The following EP300 variants were observed in gnomAD, a reference collection of about 807,000 sequenced individuals.
The protein encoded by EP300 is histone acetyltransferase p300.
In EP300, 31 loss-of-function variants were observed where a neutral mutation model predicts 264.0. The observed-to-expected ratio is 0.12, with a 90% CI of 0.09 to 0.16. The LOEUF is 0.16. Among genes scored for constraint, EP300 ranks in the 10% least tolerant of loss-of-function variants. The pLI is 1.00. For synonymous variants in EP300, 1,340 were observed against 1,045.4 expected (o/e 1.28, Z -5.44); for missense variants, 2,766 against 3,052.9 (o/e 0.91, Z 2.21).
At chr22:41,119,365 A>G (rs893202943) in intron 2 of EP300, among the ~76,000 whole-genome samples, 27 of 151,624 alleles carry the variant, frequency 1.8e-4, no homozygotes, top group African/African-American at 6.3e-4. Context: ...TTTACTTAGA[A>G]TATTTGGAGT....
At chr22:41,147,229 C>A (rs2059016266) in intron 11 of EP300, among the ~76,000 whole-genome samples, 1 of 151,484 alleles carries the variant, frequency 6.6e-6, no homozygotes, top group African/African-American at 2.4e-5. Context: ...TCACTTGAAC[C>A]CAGGAGGCGG....
At chr22:41,167,010 T>C (rs972312091) in intron 23 of EP300, among the ~76,000 whole-genome samples, 1 of 152,222 alleles carries the variant, frequency 6.6e-6, no homozygotes, top group Admixed American at 6.5e-5. Flanking sequence ...TTTTTTATTT[T>C]ATTTTTTGAG....
intron 28 of EP300, among the ~76,000 whole-genome samples, 187 bp downstream of exon 28, chr22:41,172,850 C>G (rs2059178647): frequency 6.6e-6 from 1 of 152,238 alleles, no homozygotes; most frequent in South Asian, 2.1e-4. Context: ...TTTAAAGCAT[C>G]AGAGCCCCTT....
rs144914344 is a variant in EP300, at chr22:41,125,956, T to A, written c.822T>A (p.Ile274=). The A allele has an allele frequency of 1.2e-6, 2 of 1,614,204 alleles. No homozygotes were observed. Among genetic ancestry groups the A allele is most frequent in the Admixed American group, 1.7e-5 (1 of 60,024 alleles). ...QIGASGLGLQ[I]QTKTVLSNNL... is the part of the protein sequence containing the mutation. ...GAGCCAGTGGCCTTGGTCTCCAGATTCAGACAAAAACTGTACTATCAAATA... is the reference window on the plus strand; with the variant it reads ...GAGCCAGTGGCCTTGGTCTCCAGATACAGACAAAAACTGTACTATCAAATA... Residue 274 remains isoleucine (I), a synonymous_variant, in exon 3 of 31, where the codon ATT becomes ATA. Transcript: ENST00000263253.
At chr22:41,153,058 A>G (rs1300317276) in intron 16 of EP300, among the ~76,000 whole-genome samples, 1 of 152,084 alleles carries the variant, frequency 6.6e-6, no homozygotes, top group Non-Finnish European at 1.5e-5. Flanking sequence ...ACCCGGCCTC[A>G]TTTAATAATT....
rs2145697757 is a variant in EP300 at position 41,117,800 on chromosome 22, G to C, written c.708G>C (p.Leu236Phe). Residue 236 changes from leucine to phenylalanine, a missense_variant, in exon 2 of 31, where the codon TTG becomes TTC. By Grantham distance (22) the Leu-to-Phe change is conservative (BLOSUM62 0). Coordinates refer to ENST00000263253, the MANE Select transcript of EP300 (RefSeq NM_001429.4). Reference protein sequence around the residue: ...GSPQMGGQTGLRGPQPLKMGM... With the variant: ...GSPQMGGQTGFRGPQPLKMGM... ...CCCAGATGGGAGGACAAACAGGATT[G>C]AGAGGCCCCCAGCCTCTTAAGGTAA... 6.2e-7 allele frequency: 1 copy of C among 1,614,144 alleles called. No homozygotes were observed. Among genetic ancestry groups the C allele is most frequent in the Non-Finnish European group, 8.5e-7 (1 of 1,180,036 alleles).
At chr22:41,156,937 G>T (rs1023952353) in intron 17 of EP300, among the ~76,000 whole-genome samples, 6 of 152,176 alleles carry the variant, frequency 3.9e-5, no homozygotes, top group Non-Finnish European at 8.8e-5. Flanking sequence ...TAGAATATCA[G>T]CCTGATGTCT....
chr22:41,117,885 AGGGTTTG>A (rs2058830620), intron 2 of EP300, 64 bp downstream of exon 2: 2 of 1,609,158 alleles, frequency 1.2e-6, no homozygotes, highest in African/African-American at 2.7e-5. Context: ...TGATGGATGG[AGGGTTTG>A]CCTTACATTG....
chr22:41,095,692 GA>G (rs1331391491), intron 1 of EP300, among the ~76,000 whole-genome samples: 1 of 151,986 alleles, frequency 6.6e-6, no homozygotes, highest in Non-Finnish European at 1.5e-5. Flanking sequence ...AAATGTGAAA[GA>G]AAATTATTTC....
rs557613045 is a variant in EP300, at chr22:41,152,534, T to C, written c.3142+184T>C. On this transcript the variant is annotated intron_variant, in intron 16 of 30. Coordinates refer to ENST00000263253, the MANE Select transcript of EP300 (RefSeq NM_001429.4). ...TTCTTTCTTTTTTTTTTTTTTAATA[T>C]TCACTTGCAGCAACCAATGAGTTAA... 1.5e-3 allele frequency among the ~76,000 whole-genome samples: 232 copies of C among 152,022 alleles called. 1 individual carries two copies. The highest frequency in any genetic ancestry group is 5.3e-3 in the African/African-American group (219 of 41,508).
At position 41,178,785 on chromosome 22, in the gene EP300, C is replaced by T. The variant is rs755615658; in HGVS notation, c.7074C>T (p.Pro2358=). 6 of 1,614,162 alleles carry T rather than the reference C, an allele frequency of 3.7e-6. No individual in the cohort carries two copies. The highest frequency in any genetic ancestry group is 3.3e-5 in the Admixed American group (2 of 60,018). The change falls in exon 31 of 31, where the codon CCC becomes CCT. Residue 2358 remains proline, a synonymous_variant. Coordinates refer to ENST00000263253, the MANE Select transcript of EP300 (RefSeq NM_001429.4). ...HPGLVAAQAN[P]MEQGHFASPD... The stretch of plus-strand genomic sequence containing the variant: ...GACTGGTAGCTGCCCAGGCCAACCC[C>T]ATGGAACAAGGGCATTTTGCCAGCC...
chr22:41,093,042 C>G lies in EP300; in HGVS notation c.38C>G (p.Ala13Gly), dbSNP rs767107086. The G allele has an allele frequency of 5.0e-6, 8 of 1,614,182 alleles. No individual in the cohort carries two copies. Among genetic ancestry groups the G allele is most frequent in the Non-Finnish European group, 4.2e-6 (5 of 1,180,036 alleles). ...GTGGTGGAACCGGGGCCGCCTTCAG[C>G]CAAGCGGCCTAAACTCTCATCTCCG... ...ENVVEPGPPSAKRPKLSSPAL... is the reference protein window; with the variant it reads ...ENVVEPGPPSGKRPKLSSPAL... The change falls in exon 1 of 31, where the codon GCC (alanine) becomes GGC (glycine). Residue 13 changes from alanine (A) to glycine (G), a missense_variant. By Grantham distance (60) the Ala-to-Gly change is moderately conservative. Transcript: ENST00000263253.
Position 41,168,709 on chromosome 22 carries a change from T to G in EP300, c.4026-12T>G, listed in dbSNP as rs2059153903. The G allele has an allele frequency of 6.2e-7, 1 of 1,614,116 alleles. No individual in the cohort carries two copies. The highest frequency in any genetic ancestry group is 1.7e-5 in the Admixed American group (1 of 59,996). ...GTTATGTTGTGGTTCCCCCACCATC[T>G]CAATTGTATAGGTTTGTGGACAGTG... is the stretch of plus-strand genomic sequence containing the variant. On this transcript the variant is annotated splice_polypyrimidine_tract_variant and intron_variant, in intron 24 of 30. Coordinates refer to ENST00000263253, the MANE Select transcript of EP300 (RefSeq NM_001429.4).
chr22:41,168,677 T>C (rs2059153740), intron 24 of EP300, 44 bp from the exon 25 acceptor site: 1 of 1,614,150 alleles, frequency 6.2e-7, no homozygotes, highest in Admixed American at 1.7e-5. Flanking sequence ...GATTCCAGTC[T>C]GAATGAGTTA....
chr22:41,130,131 CTT>C, intron 5 of EP300, 128 bp downstream of exon 5: 2 of 739,484 alleles, frequency 2.7e-6, no homozygotes, highest in Admixed American at 2.3e-5. Flanking sequence ...GTTTTTTTCC[CTT>C]TTAATTTTTC....
At chr22:41,134,762 T>C (rs1255526109) in intron 6 of EP300, among the ~76,000 whole-genome samples, 2 of 152,364 alleles carry the variant, frequency 1.3e-5, no homozygotes, top group African/African-American at 4.8e-5. Context: ...TGAGGAGCAA[T>C]CTTGCCTTTT....
chr22:41,143,398 G>C (rs2058993703), intron 10 of EP300, among the ~76,000 whole-genome samples: 3 of 152,330 alleles, frequency 2.0e-5, no homozygotes, highest in Admixed American at 1.3e-4. Flanking sequence ...GCTGCAGTGA[G>C]CTGTGATTGT....
At chr22:41,128,177 G>C (rs1327436884) in intron 4 of EP300, among the ~76,000 whole-genome samples, 1 of 151,930 alleles carries the variant, frequency 6.6e-6, no homozygotes, top group African/African-American at 2.4e-5. Flanking sequence ...AAAAAAGGTT[G>C]GGCGCAGTGG....
chr22:41,155,933 GT>G (rs1489688406), intron 17 of EP300, among the ~76,000 whole-genome samples: 1 of 152,154 alleles, frequency 6.6e-6, no homozygotes, highest in African/African-American at 2.4e-5. Flanking sequence ...GTGGATTTAA[GT>G]TTTTATTTCT....
Sources: allele counts gnomAD v4.1 joint callset (sites outside exome capture counted in the v4.1 genomes callset), GRCh38; gene constraint gnomAD v4.1.1; transcripts MANE v1.5; gene names NCBI Gene and HGNC (gene_info 2026-07-23, HGNC 2026-07-21).